Variants in FILIP1L observed in about 807,000 individuals in gnomAD.
FILIP1L encodes the protein filamin A interacting protein 1 like.
A neutral mutation model predicts 96.6 loss-of-function variants in FILIP1L; 55 were observed. That is an observed-to-expected ratio of 0.57 (90% CI 0.46 to 0.71). The LOEUF is 0.71. Among genes scored for constraint, FILIP1L ranks in the 30% least tolerant of loss-of-function variants. The pLI is 0.00. For synonymous variants in FILIP1L, 467 were observed against 473.9 expected (o/e 0.99, Z 0.19); for missense variants, 1,304 against 1,321.2 (o/e 0.99, Z 0.20).
At chr3:99,924,088 A>G in intron 4 of FILIP1L, 142 bp downstream of exon 4, 1 of 737,768 alleles carries the variant, frequency 1.4e-6, no homozygotes, top group South Asian at 1.8e-5. Flanking sequence ...ATGTCTTCAA[A>G]CATATCCTTT....
At chr3:99,962,330 G>A (rs932005453) in intron 1 of FILIP1L, among the ~76,000 whole-genome samples, 3 of 152,132 alleles carry the variant, frequency 2.0e-5, no homozygotes, top group Non-Finnish European at 4.4e-5. Context: ...ATGATGGGCA[G>A]TCCTCATCAG....
At chr3:99,930,183 T>C (rs1210800869) in intron 2 of FILIP1L, among the ~76,000 whole-genome samples, 154 bp from the exon 3 acceptor site, 1 of 152,252 alleles carries the variant, frequency 6.6e-6, no homozygotes, top group African/African-American at 2.4e-5. Flanking sequence ...AACAAAACTA[T>C]ATCCCTTCAT....
intron 1 of FILIP1L, among the ~76,000 whole-genome samples, chr3:99,965,014 G>A (rs775574261): frequency 2.0e-5 from 3 of 152,146 alleles, no homozygotes; most frequent in Admixed American, 6.5e-5. Flanking sequence ...GATATACTTA[G>A]ATACTGCTGT....
chr3:99,848,500 T>C lies in FILIP1L; in HGVS notation c.3176A>G (p.Asp1059Gly). ...SNSSSVITTE[D>G]NKIHIHLGSP... ...TCCTAAGTGAATGTGGATTTTATTA[T>C]CCTCAGTAGTTATCACACTTGAGCT... is the stretch of plus-strand genomic sequence containing the variant. Residue 1059 changes from aspartate (D) to glycine (G), a missense_variant, in exon 5 of 6, where the codon GAT (aspartate) becomes GGT (glycine). By Grantham distance (94) the Asp-to-Gly change is moderately conservative. Coordinates refer to ENST00000477258, the MANE Select transcript of FILIP1L (RefSeq NM_001387850.1). 1 of 1,614,226 alleles carries C rather than the reference T, an allele frequency of 6.2e-7. No individual in the cohort carries two copies. The highest frequency in any genetic ancestry group is 8.5e-7 in the Non-Finnish European group (1 of 1,180,030).
intron 1 of FILIP1L, among the ~76,000 whole-genome samples, chr3:100,016,788 G>A (rs1052122342): frequency 6.6e-6 from 1 of 152,136 alleles, no homozygotes; most frequent in Non-Finnish European, 1.5e-5. Flanking sequence ...AACTTATAAA[G>A]CAGACATTTC....
intron 1 of FILIP1L, among the ~76,000 whole-genome samples, chr3:99,971,132 T>C (rs1316584480): frequency 6.6e-6 from 1 of 152,106 alleles, no homozygotes; most frequent in Non-Finnish European, 1.5e-5. Context: ...GGTCAGGAGA[T>C]CGAGACCATC....
At chr3:99,957,094 A>G (rs572392587) in intron 1 of FILIP1L, among the ~76,000 whole-genome samples, 1 of 152,338 alleles carries the variant, frequency 6.6e-6, no homozygotes, top group African/African-American at 2.4e-5. Context: ...GTAAGAATAA[A>G]AATACTTGTG....
intron 1 of FILIP1L, among the ~76,000 whole-genome samples, chr3:100,102,331 T>C (rs892759683): frequency 3.3e-5 from 5 of 152,192 alleles, no homozygotes; most frequent in Admixed American, 3.3e-4. Flanking sequence ...TATGAGATGG[T>C]ATCTCATTGT....
chr3:100,060,580 C>T (rs143325640), intron 1 of FILIP1L, among the ~76,000 whole-genome samples: 1,792 of 152,140 alleles, frequency 0.012, 22 homozygotes, highest in African/African-American at 0.026. Context: ...AGGGGCTCGG[C>T]GCAGTGGCTC....
intron 1 of FILIP1L, among the ~76,000 whole-genome samples, chr3:100,108,005 A>AT (rs1032194202): frequency 1.3e-5 from 2 of 151,988 alleles, no homozygotes; most frequent in Non-Finnish European, 2.9e-5. Flanking sequence ...ATTTTCTGGG[A>AT]TTTTTCTTAA....
At chr3:99,956,765 T>C (rs1275265961) in intron 1 of FILIP1L, among the ~76,000 whole-genome samples, 2 of 152,198 alleles carry the variant, frequency 1.3e-5, no homozygotes, top group Non-Finnish European at 2.9e-5. Flanking sequence ...CACAACTTTA[T>C]AACACGCCCA....
rs145072433 is a variant in FILIP1L, at chr3:99,902,551, G to A, written c.605+21679C>T. On this transcript the variant is annotated intron_variant, in intron 4 of 5. Transcript: ENST00000477258. ...TTCTGAGGAAATGGTGTGAAGGGTAGTAATTCAAACTATATCTGAAAACTA... is the reference window on the plus strand; with the variant it reads ...TTCTGAGGAAATGGTGTGAAGGGTAATAATTCAAACTATATCTGAAAACTA... 7.7e-3 allele frequency among the ~76,000 whole-genome samples: 1,166 copies of A among 152,284 alleles called. 20 individuals are homozygous for A. The highest frequency in any genetic ancestry group is 0.026 in the African/African-American group (1,076 of 41,562).
intron 4 of FILIP1L, among the ~76,000 whole-genome samples, chr3:99,882,251 A>G (rs1420488094): frequency 6.6e-6 from 1 of 152,220 alleles, no homozygotes; most frequent in African/African-American, 2.4e-5. Context: ...TTCGGTTCCA[A>G]ATTCTGCTTT....
intron 1 of FILIP1L, among the ~76,000 whole-genome samples, chr3:100,079,345 G>A (rs2065897872): frequency 6.6e-6 from 1 of 152,174 alleles, no homozygotes; most frequent in African/African-American, 2.4e-5. Flanking sequence ...CAGGATGGAT[G>A]GCAAAGAATT....
intron 4 of FILIP1L, among the ~76,000 whole-genome samples, chr3:99,881,954 G>A (rs1177358020): frequency 1.3e-5 from 2 of 152,174 alleles, no homozygotes; most frequent in African/African-American, 4.8e-5. Context: ...AAGTACAATT[G>A]AACAAGTTTT....
At chr3:100,008,022 C>T (rs542746812) in intron 1 of FILIP1L, among the ~76,000 whole-genome samples, 34 of 152,260 alleles carry the variant, frequency 2.2e-4, no homozygotes, top group Admixed American at 9.2e-4. Context: ...CACAACCTTG[C>T]CTGGGACCTG....
intron 1 of FILIP1L, among the ~76,000 whole-genome samples, chr3:100,064,399 T>C (rs1359606392): frequency 1.4e-5 from 2 of 143,482 alleles, no homozygotes; most frequent in Non-Finnish European, 3.1e-5. Flanking sequence ...CCCAACACCC[T>C]TTTTTTTTTT....
rs146027654 is a variant in FILIP1L, at chr3:100,073,430, T to C, written c.-11+40623A>G. ...ATGAAAGTATACATTTAAATACAAA[T>C]AGAGTAAATGTTGTCTGCAGCTTCC... On this transcript the variant is annotated intron_variant, in intron 1 of 5. Coordinates refer to ENST00000477258, the MANE Select transcript of FILIP1L (RefSeq NM_001387850.1). Among the ~76,000 whole-genome samples the C allele has an allele frequency of 5.5e-3, 841 of 152,124 alleles. 19 individuals are homozygous for C. Among genetic ancestry groups the C allele is most frequent in the Admixed American group, 0.039 (591 of 15,280 alleles).
chr3:99,885,640 TG>T (rs1705868598), intron 4 of FILIP1L, among the ~76,000 whole-genome samples: 1 of 152,228 alleles, frequency 6.6e-6, no homozygotes, highest in Admixed American at 6.5e-5. Flanking sequence ...GGTGGCTGAC[TG>T]ACTTTTAGTT....
Sources: allele counts gnomAD v4.1 joint callset (sites outside exome capture counted in the v4.1 genomes callset), GRCh38; gene constraint gnomAD v4.1.1; transcripts MANE v1.5; gene names NCBI Gene and HGNC (gene_info 2026-07-23, HGNC 2026-07-21).